The following DNAH6 variants were observed in gnomAD, a reference collection of about 807,000 sequenced individuals.
The protein encoded by DNAH6 is axonemal beta dynein heavy chain 6.
Under a neutral mutation model 491.4 loss-of-function variants are expected in DNAH6, and 340 were observed. The observed-to-expected ratio is 0.69, with a 90% CI of 0.63 to 0.76. The LOEUF (loss-of-function observed/expected upper bound fraction) is 0.76. Ranked by LOEUF, DNAH6 falls within the 30% of genes least tolerant of loss-of-function variation. DNAH6 has a pLI of 0.00. For synonymous variants in DNAH6, 1,603 were observed against 1,686.1 expected (o/e 0.95, Z 1.21); for missense variants, 4,443 against 4,972.2 (o/e 0.89, Z 3.20).
At chr2:84,515,453 A>G (rs1675526861), upstream of DNAH6, among the ~76,000 whole-genome samples, 1 of 152,188 alleles carries the variant, frequency 6.6e-6, no homozygotes, top group Admixed American at 6.5e-5. Context: ...TGTAATCTCC[A>G]TTTTAGCTCT....
chr2:84,486,981 G>C, the DNAH6 span, among the ~76,000 whole-genome samples: 30 of 152,142 alleles, frequency 2.0e-4, no homozygotes, highest in Non-Finnish European at 3.8e-4. Flanking sequence ...GAGGCTCTCT[G>C]ATACCTGGAG....
chr2:84,564,691 G>T (rs1269453600), intron 11 of DNAH6, among the ~76,000 whole-genome samples: 2 of 152,040 alleles, frequency 1.3e-5, no homozygotes, highest in African/African-American at 4.8e-5. Context: ...TCTTTCTCTT[G>T]CATGATTGCT....
intron 62 of DNAH6, 32 bp downstream of exon 62, chr2:84,733,611 C>T: frequency 6.5e-7 from 1 of 1,538,110 alleles, no homozygotes; most frequent in Non-Finnish European, 8.8e-7. Flanking sequence ...GCTGAGGAGG[C>T]TTATAAACAG....
chr2:84,578,622 G>A (rs980195398), intron 13 of DNAH6, among the ~76,000 whole-genome samples: 4 of 152,158 alleles, frequency 2.6e-5, no homozygotes, highest in African/African-American at 9.7e-5. Flanking sequence ...TTGTTTGTAT[G>A]GAGAGAGACA....
At chr2:84,614,229 T>C (rs544252671) in intron 22 of DNAH6, among the ~76,000 whole-genome samples, 1 of 152,188 alleles carries the variant, frequency 6.6e-6, no homozygotes, top group South Asian at 2.1e-4. Context: ...TGTATCATTC[T>C]TACACTTTTG....
chr2:84,590,808 C>T (rs1684046134), intron 16 of DNAH6, among the ~76,000 whole-genome samples: 2 of 152,200 alleles, frequency 1.3e-5, no homozygotes, highest in Non-Finnish European at 2.9e-5. Context: ...AAGTTCTCAG[C>T]TTCTCCCTGG....
chr2:84,757,908 T>G (rs1051391726), intron 63 of DNAH6, among the ~76,000 whole-genome samples: 15 of 152,214 alleles, frequency 9.9e-5, no homozygotes, highest in Non-Finnish European at 8.8e-5. Context: ...TCTTCATGGC[T>G]TTAACTGATG....
intron 59 of DNAH6, among the ~76,000 whole-genome samples, chr2:84,720,397 G>A (rs1468312338): frequency 1.4e-5 from 2 of 141,508 alleles, no homozygotes; most frequent in African/African-American, 5.2e-5. Context: ...TCCTGCCTCA[G>A]CCTCCCAAGT....
chr2:84,551,696 A>G (rs1679382660), intron 9 of DNAH6, among the ~76,000 whole-genome samples: 1 of 152,220 alleles, frequency 6.6e-6, no homozygotes, highest in East Asian at 1.9e-4. Context: ...GGCTTTTGAT[A>G]CGTACACACT....
chr2:84,525,692 C>T lies in DNAH6; in HGVS notation c.353C>T (p.Ser118Leu). Residue 118 changes from serine (S) to leucine (L), a missense_variant, in exon 3 of 77, where the codon TCA (serine) becomes TTA (leucine). Transcript: ENST00000389394. ...ATAGCAAAAAAAAGTTTTGCCACAT[C>T]ATCTACTCAGTTTCTTGAGCATCAA... ...VSIAKKSFATSSTQFLEHQDA... is the reference protein window; with the variant it reads ...VSIAKKSFATLSTQFLEHQDA... 1 of 1,549,828 alleles carries T rather than the reference C, an allele frequency of 6.5e-7. No individual in the cohort carries two copies. The highest frequency in any genetic ancestry group is 1.2e-5 in the South Asian group (1 of 83,818).
intron 18 of DNAH6, among the ~76,000 whole-genome samples, chr2:84,598,089 G>A (rs1187883458): frequency 7.0e-6 from 1 of 142,506 alleles, no homozygotes; most frequent in East Asian, 1.9e-4. Context: ...AAGTGAACTC[G>A]TGGTTACTCG....
chr2:84,507,305 G>A, the DNAH6 span, among the ~76,000 whole-genome samples: 1 of 152,118 alleles, frequency 6.6e-6, no homozygotes, highest in South Asian at 2.1e-4. Context: ...TGGATTCCTA[G>A]GTATTTTATT....
At chr2:84,717,730 G>A (rs1697682330) in intron 58 of DNAH6, among the ~76,000 whole-genome samples, 1 of 152,174 alleles carries the variant, frequency 6.6e-6, no homozygotes, top group Admixed American at 6.5e-5. Context: ...TTTATACAAG[G>A]GTGAAGCTGG....
chr2:84,679,835 A>G (rs1243456590), intron 41 of DNAH6, among the ~76,000 whole-genome samples: 1 of 152,246 alleles, frequency 6.6e-6, no homozygotes, highest in East Asian at 1.9e-4. Context: ...TTCCATGGAC[A>G]CAGATAATGA....
intron 60 of DNAH6, among the ~76,000 whole-genome samples, chr2:84,725,521 T>C (rs1329319969): frequency 2.0e-5 from 3 of 152,212 alleles, no homozygotes; most frequent in Non-Finnish European, 4.4e-5. Context: ...GATTACCAAA[T>C]CCTGTAATGC....
intron 4 of DNAH6, among the ~76,000 whole-genome samples, chr2:84,543,622 CCTTT>C (rs1678476321): frequency 6.6e-6 from 1 of 152,066 alleles, no homozygotes; most frequent in African/African-American, 2.4e-5. Context: ...TTTCTCCTGT[CCTTT>C]CTTCTGTTTT....
At chr2:84,595,927 T>A (rs1684535668) in intron 18 of DNAH6, 138 bp downstream of exon 18, 2 of 997,712 alleles carry the variant, frequency 2.0e-6, no homozygotes, top group Non-Finnish European at 2.8e-6. Flanking sequence ...CAAATTCATT[T>A]TTTTGCAGTG....
chr2:84,701,241 G>C lies in DNAH6; in HGVS notation c.7963G>C (p.Glu2655Gln). Residue 2655 changes from glutamate to glutamine, a missense_variant, in exon 49 of 77, where the codon GAG (glutamate) becomes CAG (glutamine). Physicochemically the swap from Glu to Gln is conservative, Grantham distance 29. Coordinates refer to ENST00000389394, the MANE Select transcript of DNAH6 (RefSeq NM_001370.2). ...CAGCATGGCAGAGCGCTATTACAAT[G>C]AGCTGCGCAGGCGGTACTACACGAC... ...VSSMAERYYN[E>Q]LRRRYYTTPT... 1 of 1,551,808 alleles carries C rather than the reference G, an allele frequency of 6.4e-7. No homozygotes were observed. The highest frequency in any genetic ancestry group is 8.7e-7 in the Non-Finnish European group (1 of 1,147,024).
At chr2:84,687,645 A>AT (rs1475455803) in intron 44 of DNAH6, among the ~76,000 whole-genome samples, 1 of 152,202 alleles carries the variant, frequency 6.6e-6, no homozygotes, top group African/African-American at 2.4e-5. Context: ...CAGAAAAAAA[A>AT]CAGCTAGACT....
Sources: gnomAD v4.1 joint callset for allele counts (sites outside exome capture counted in the v4.1 genomes callset) on GRCh38, gnomAD v4.1.1 for gene constraint, MANE v1.5 for transcripts, NCBI Gene and HGNC (gene_info 2026-07-23, HGNC 2026-07-21) for gene names.